SLC12A8: variants seen among roughly 807,000 people sequenced by gnomAD.
The protein encoded by SLC12A8 is solute carrier family 12 member 8.
Under a neutral mutation model 75.6 loss-of-function variants are expected in SLC12A8, and 69 were observed. That is an observed-to-expected ratio of 0.91 (90% CI 0.75 to 1.11). SLC12A8 has a LOEUF of 1.11. Among genes scored for constraint, SLC12A8 ranks in the 50% most tolerant of loss-of-function variants. The probability of loss-of-function intolerance (pLI) is 0.00; values close to 1 mark genes in which losing one functional copy is unlikely to be tolerated. For synonymous variants in SLC12A8, 365 were observed against 372.8 expected, an observed-to-expected ratio of 0.98 and a Z score of 0.24; for missense variants, 877 against 896.7, an observed-to-expected ratio of 0.98 and a Z score of 0.28.
At chr3:125,187,919 G>A (rs1934826847) in intron 3 of SLC12A8, among the ~76,000 whole-genome samples, 1 of 152,116 alleles carries the variant, frequency 6.6e-6, no homozygotes, top group African/African-American at 2.4e-5. Context: ...CCAGTGCCAG[G>A]GCTTAGTACT....
At chr3:125,144,946 C>A (rs1040086983) in intron 5 of SLC12A8, among the ~76,000 whole-genome samples, 1 of 152,180 alleles carries the variant, frequency 6.6e-6, no homozygotes, top group Admixed American at 6.5e-5. Context: ...TGCTCAGACC[C>A]CTTCCCCACC....
intron 5 of SLC12A8, among the ~76,000 whole-genome samples, chr3:125,154,259 T>C (rs1174084805): frequency 6.6e-6 from 1 of 152,232 alleles, no homozygotes; most frequent in Non-Finnish European, 1.5e-5. Context: ...ATGGGACTTA[T>C]GTGTCCTGCT....
chr3:125,211,229 C>A, intron 2 of SLC12A8, 70 bp downstream of exon 2: 2 of 1,268,222 alleles, frequency 1.6e-6, no homozygotes, highest in Non-Finnish European at 2.3e-6. Context: ...ATGTTTGCAT[C>A]CAGCCCACTG....
At chr3:125,093,070 A>C (rs1938626110) in intron 10 of SLC12A8, among the ~76,000 whole-genome samples, 1 of 152,202 alleles carries the variant, frequency 6.6e-6, no homozygotes, top group Admixed American at 6.5e-5. Context: ...CCCACTTATA[A>C]GTGAAGACAT....
chr3:125,148,240 A>G (rs762273434), intron 5 of SLC12A8, among the ~76,000 whole-genome samples: 10 of 152,208 alleles, frequency 6.6e-5, no homozygotes, highest in Admixed American at 1.3e-4. Context: ...GGCAAATGCA[A>G]TCCCCAGGGA....
chr3:125,099,706 A>T (rs1436204207), intron 10 of SLC12A8, among the ~76,000 whole-genome samples: 2 of 152,212 alleles, frequency 1.3e-5, no homozygotes, highest in Non-Finnish European at 2.9e-5. Context: ...AGGCATGCAG[A>T]ACCCCTAAGG....
intron 2 of SLC12A8, among the ~76,000 whole-genome samples, chr3:125,201,490 C>T (rs1197939568): frequency 6.6e-6 from 1 of 152,166 alleles, no homozygotes; most frequent in African/African-American, 2.4e-5. Flanking sequence ...AGAAATGCAT[C>T]AAAGCCGGGT....
At chr3:125,125,673 G>A (rs1044014511) in intron 6 of SLC12A8, among the ~76,000 whole-genome samples, 3 of 152,328 alleles carry the variant, frequency 2.0e-5, no homozygotes, top group Admixed American at 1.3e-4. Flanking sequence ...AGGCAACGGA[G>A]GCCCAAAGAA....
At chr3:125,090,189 G>T (rs1334444258) in intron 12 of SLC12A8, among the ~76,000 whole-genome samples, 1 of 152,084 alleles carries the variant, frequency 6.6e-6, no homozygotes. Context: ...GACAACAGGT[G>T]TGTGCGAACT....
At chr3:125,206,319 G>A (rs1001924206) in intron 2 of SLC12A8, among the ~76,000 whole-genome samples, 7 of 152,150 alleles carry the variant, frequency 4.6e-5, no homozygotes, top group African/African-American at 1.2e-4. Context: ...TTCTAACCTG[G>A]TTCTGCCTTC....
intron 4 of SLC12A8, among the ~76,000 whole-genome samples, chr3:125,186,881 T>TCCCAGGG (rs1386538155): frequency 6.6e-6 from 1 of 152,208 alleles, no homozygotes; most frequent in Admixed American, 6.5e-5. Context: ...TAAAAAAGCG[T>TCCCAGGG]CCCAGGGCCC....
intron 4 of SLC12A8, 144 bp from the exon 5 acceptor site, chr3:125,178,118 T>A: frequency 1.5e-6 from 1 of 683,642 alleles, no homozygotes; most frequent in Non-Finnish European, 2.6e-6. Flanking sequence ...AGTGCAGGGT[T>A]AAACCAGCCC....
chr3:125,172,375 G>A (rs913810653), intron 5 of SLC12A8, among the ~76,000 whole-genome samples: 2 of 151,786 alleles, frequency 1.3e-5, no homozygotes, highest in East Asian at 3.9e-4. Context: ...TGCTCTGGGA[G>A]AAGTCAGTTA....
At position 125,202,650 on chromosome 3, in the gene SLC12A8, T is replaced by TAA. The variant is rs371036226; in HGVS notation, c.51+8647_51+8648dup. 6.9e-3 allele frequency among the ~76,000 whole-genome samples: 1,033 copies of TAA among 149,802 alleles called. 10 individuals carry two copies. The highest frequency in any genetic ancestry group is 0.02 in the African/African-American group (817 of 40,664). ...ACCATGTTTTTTTTTTTTTTTTTTTTAAATCTGTATCTAATGATGTTATGA... is the reference window on the plus strand; with the variant it reads ...ACCATGTTTTTTTTTTTTTTTTTTTTAAAAATCTGTATCTAATGATGTTATGA... On this transcript the variant is annotated intron_variant, in intron 2 of 13. Transcript: ENST00000469902.
intron 2 of SLC12A8, among the ~76,000 whole-genome samples, chr3:125,203,553 T>C (rs1450557566): frequency 6.6e-6 from 1 of 152,160 alleles, no homozygotes; most frequent in Non-Finnish European, 1.5e-5. Flanking sequence ...AGAATGAAAC[T>C]AGACCCCCAT....
At chr3:125,160,309 A>C (rs1165998412) in intron 5 of SLC12A8, among the ~76,000 whole-genome samples, 1 of 152,190 alleles carries the variant, frequency 6.6e-6, no homozygotes, top group Non-Finnish European at 1.5e-5. Flanking sequence ...CTGTTTCCCC[A>C]CTGTAAAATG....
intron 6 of SLC12A8, among the ~76,000 whole-genome samples, chr3:125,127,434 C>A (rs1173332297): frequency 6.6e-6 from 1 of 152,222 alleles, no homozygotes; most frequent in Admixed American, 6.5e-5. Context: ...GGGTTTACCG[C>A]TTACTGGCTG....
chr3:125,132,528 G>C (rs916742010), intron 6 of SLC12A8, among the ~76,000 whole-genome samples: 1 of 152,224 alleles, frequency 6.6e-6, no homozygotes, highest in Non-Finnish European at 1.5e-5. Context: ...AAGAAAGAGG[G>C]AGGTCTGATC....
intron 6 of SLC12A8, chr3:125,123,452 A>C (rs1455390300): frequency 6.6e-6 from 1 of 152,058 alleles, no homozygotes; most frequent in Admixed American, 6.6e-5. Flanking sequence ...TCTCTTCATA[A>C]AATAAAAAAG....
Sources: allele counts gnomAD v4.1 joint callset (sites outside exome capture counted in the v4.1 genomes callset), GRCh38; gene constraint gnomAD v4.1.1; transcripts MANE v1.5; gene names NCBI Gene and HGNC (gene_info 2026-07-23, HGNC 2026-07-21).